The following DHX15 variants were observed in gnomAD, a reference collection of about 807,000 sequenced individuals.
DHX15 encodes ATP-dependent RNA helicase DHX15.
In DHX15, 11 loss-of-function variants were observed where a neutral mutation model predicts 94.4. The observed-to-expected ratio is 0.12, with a 90% CI of 0.07 to 0.19. The LOEUF (loss-of-function observed/expected upper bound fraction) is 0.19, where lower values mean the gene tolerates loss of function less well. DHX15 is among the 10% of genes least tolerant of loss of function. The pLI is 1.00. For synonymous variants in DHX15, 338 were observed against 329.9 expected (o/e 1.02, Z -0.27); for missense variants, 304 against 988.5 (o/e 0.31, Z 9.29).
intron 3 of DHX15, among the ~76,000 whole-genome samples, chr4:24,569,916 G>A (rs1281646457): frequency 6.6e-6 from 1 of 152,182 alleles, no homozygotes; most frequent in African/African-American, 2.4e-5. Context: ...GAATAAACAG[G>A]CATATGCCAC....
intron 12 of DHX15, among the ~76,000 whole-genome samples, chr4:24,532,590 A>AT (rs1196877301): frequency 1.3e-5 from 2 of 152,252 alleles, no homozygotes; most frequent in Admixed American, 6.5e-5. Flanking sequence ...TCCATTTTGT[A>AT]TAACAAAGGC....
intron 5 of DHX15, among the ~76,000 whole-genome samples, chr4:24,553,973 C>A (rs1401968830): frequency 6.6e-6 from 1 of 152,092 alleles, no homozygotes; most frequent in Non-Finnish European, 1.5e-5. Context: ...AATCCCAGCA[C>A]TTTGGGAGGC....
At chr4:24,561,251 A>C (rs1721867951) in intron 3 of DHX15, among the ~76,000 whole-genome samples, 1 of 152,232 alleles carries the variant, frequency 6.6e-6, no homozygotes, top group East Asian at 1.9e-4. Flanking sequence ...TTAAAAATAA[A>C]GCAACTTAAA....
chr4:24,540,663 C>G (rs960321784), intron 9 of DHX15, among the ~76,000 whole-genome samples, 177 bp downstream of exon 9: 16 of 151,338 alleles, frequency 1.1e-4, no homozygotes, highest in Admixed American at 2.0e-4. Flanking sequence ...AAAAAATGTG[C>G]TCATATAACT....
rs368647482 is a variant in DHX15, at chr4:24,556,154, T to A, written c.861+97A>T. The A allele has an allele frequency of 6.3e-6, 6 of 956,066 alleles. No homozygotes were observed. The African/African-American group carries it at 9.9e-5, about 16-fold the overall frequency. The allele number at this position is 956,066 out of a possible 1,614,324, so 59.2% of individuals were successfully genotyped here. On this transcript the variant is annotated intron_variant, in intron 4 of 13. Coordinates refer to ENST00000336812, the MANE Select transcript of DHX15 (RefSeq NM_001358.3). The stretch of plus-strand genomic sequence containing the variant: ...ACTTACTAGTTCCTTCTTTTACAGG[T>A]GATTTCTTACAGTTGGTTATTGATC...
At chr4:24,529,989 G>T in intron 12 of DHX15, 3 of 556,104 alleles carry the variant, frequency 5.4e-6, no homozygotes, top group Non-Finnish European at 9.4e-6. Flanking sequence ...ATCCAAAATG[G>T]TTTATTTATC....
intron 3 of DHX15, among the ~76,000 whole-genome samples, chr4:24,566,613 G>A (rs1363238330): frequency 2.0e-5 from 3 of 152,008 alleles, no homozygotes; most frequent in African/African-American, 4.8e-5. Context: ...ATCACTTGAC[G>A]TCAGGAGTTT....
chr4:24,559,395 AAG>A (rs1491013627), intron 3 of DHX15, among the ~76,000 whole-genome samples: 5 of 151,528 alleles, frequency 3.3e-5, no homozygotes, highest in Non-Finnish European at 7.4e-5. Flanking sequence ...AAAAAAAAAA[AAG>A]AAACAGTACT....
At chr4:24,580,837 C>G (rs960680310) in intron 1 of DHX15, 1 of 151,506 alleles carries the variant, frequency 6.6e-6, no homozygotes, top group South Asian at 2.1e-4. Context: ...GCTTTTTATC[C>G]GTCAATCTTA....
chr4:24,580,597 C>T (rs1214906144), intron 1 of DHX15: 2 of 151,592 alleles, frequency 1.3e-5, no homozygotes, highest in African/African-American at 4.9e-5. Flanking sequence ...CAACCTCTGC[C>T]TCCCAGGTTC....
At chr4:24,544,633 G>A (rs1467921118) in intron 6 of DHX15, among the ~76,000 whole-genome samples, 1 of 152,208 alleles carries the variant, frequency 6.6e-6, no homozygotes, top group Non-Finnish European at 1.5e-5. Context: ...GTTTCTTGTA[G>A]TTAAAGAAGC....
intron 5 of DHX15, among the ~76,000 whole-genome samples, chr4:24,554,189 G>A (rs1191316779): frequency 4.6e-5 from 7 of 152,132 alleles, no homozygotes; most frequent in Admixed American, 4.6e-4. Flanking sequence ...CTGCACTACA[G>A]CCTGGGCGAC....
intron 7 of DHX15, among the ~76,000 whole-genome samples, chr4:24,542,397 T>C (rs1428260082): frequency 6.6e-6 from 1 of 152,178 alleles, no homozygotes; most frequent in African/African-American, 2.4e-5. Context: ...ACTATTACTC[T>C]GTTACTGTTT....
intron 3 of DHX15, among the ~76,000 whole-genome samples, chr4:24,557,800 C>T (rs1314346851): frequency 2.6e-5 from 4 of 152,056 alleles, no homozygotes; most frequent in Non-Finnish European, 5.9e-5. Context: ...CCCTTAGCTG[C>T]TTTGAAATTT....
chr4:24,549,919 C>A (rs1721551323), intron 5 of DHX15, among the ~76,000 whole-genome samples: 1 of 151,674 alleles, frequency 6.6e-6, no homozygotes, highest in Non-Finnish European at 1.5e-5. Flanking sequence ...CATGGAGAAA[C>A]CCCGTCTCTA....
At chr4:24,569,624 CTT>C (rs1335360257) in intron 3 of DHX15, among the ~76,000 whole-genome samples, 1 of 146,664 alleles carries the variant, frequency 6.8e-6, no homozygotes, top group African/African-American at 2.5e-5. Flanking sequence ...AAGAGAGACT[CTT>C]GTTTCATTTA....
rs745928543 is a variant in DHX15 at position 24,554,887 on chromosome 4, G to C, written c.918C>G (p.Asn306Lys). 1 of 1,613,748 alleles carries C rather than the reference G, an allele frequency of 6.2e-7. No homozygotes were observed. The highest frequency in any genetic ancestry group is 8.5e-7 in the Non-Finnish European group (1 of 1,179,856). Residue 306 changes from asparagine to lysine, a missense_variant, in exon 5 of 14, where the codon AAC (asparagine) becomes AAG (lysine). This residue lies in a region of DHX15 where 29 missense variants were observed against 181.6 expected (regional missense o/e 0.16). Transcript: ENST00000336812. ...GCCCAGGAATAGTTAGGAGAGGACA[G>C]TTATCAAAGTAAATCTGGAATTTTC... ...DAGKFQIYFD[N>K]CPLLTIPGRT...
At chr4:24,575,168 A>G (rs1206731745) in intron 2 of DHX15, among the ~76,000 whole-genome samples, 1 of 151,918 alleles carries the variant, frequency 6.6e-6, no homozygotes, top group African/African-American at 2.4e-5. Context: ...AAAAAAAAAA[A>G]AAGAAAAGAA....
chr4:24,556,926 C>T (rs1157741269), intron 3 of DHX15, among the ~76,000 whole-genome samples: 3 of 152,090 alleles, frequency 2.0e-5, no homozygotes, highest in Non-Finnish European at 2.9e-5. Flanking sequence ...TGAGTCCTCC[C>T]ACCCCAAAGA....
Sources: gnomAD v4.1 joint callset for allele counts (sites outside exome capture counted in the v4.1 genomes callset) on GRCh38, gnomAD v4.1.1 for gene constraint, gnomAD v4.1.1 regional missense constraint, MANE v1.5 for transcripts, NCBI Gene and HGNC (gene_info 2026-07-23, HGNC 2026-07-21) for gene names.